Variants in CADPS observed in about 807,000 individuals in gnomAD.
CADPS encodes the protein calcium-dependent secretion activator 1.
Under a neutral mutation model 167.3 loss-of-function variants are expected in CADPS, and 57 were observed. The observed-to-expected ratio is 0.34, with a 90% CI of 0.28 to 0.42. The LOEUF is 0.42. Ranked by LOEUF, CADPS falls within the 20% of genes least tolerant of loss-of-function variation. CADPS has a pLI of 1.00. For synonymous variants in CADPS, 676 were observed against 635.3 expected, an observed-to-expected ratio of 1.06 and a Z score of -0.96; for missense variants, 1,414 against 1,738.1, an observed-to-expected ratio of 0.81 and a Z score of 3.32.
intron 7 of CADPS, among the ~76,000 whole-genome samples, chr3:62,590,444 T>C (rs1172850959): frequency 6.6e-6 from 1 of 152,200 alleles, no homozygotes; most frequent in African/African-American, 2.4e-5. Flanking sequence ...GAGTATCGTT[T>C]CTCAAAGAAA....
chr3:62,416,520 G>A (rs2050089647), intron 28 of CADPS, among the ~76,000 whole-genome samples: 1 of 152,150 alleles, frequency 6.6e-6, no homozygotes, highest in African/African-American at 2.4e-5. Context: ...TTGAAATTTT[G>A]AGTAAGGGCC....
chr3:62,552,925 G>C, intron 10 of CADPS, among the ~76,000 whole-genome samples: 1 of 152,082 alleles, frequency 6.6e-6, no homozygotes, highest in East Asian at 1.9e-4. Context: ...TTAGCAAGCT[G>C]GGAAAATCTG....
At chr3:62,487,264 A>G (rs79666876) in intron 21 of CADPS, among the ~76,000 whole-genome samples, 1,744 of 152,280 alleles carry the variant, frequency 0.011, 30 homozygotes, top group African/African-American at 0.039. Context: ...AAGACTTTGA[A>G]TGAGTTGTTT....
intron 28 of CADPS, among the ~76,000 whole-genome samples, chr3:62,413,666 C>T (rs546216712): frequency 8.5e-5 from 13 of 152,080 alleles, no homozygotes; most frequent in African/African-American, 2.4e-4. Flanking sequence ...GATGAAACGA[C>T]GTCTACAGAT....
chr3:62,582,282 C>T (rs890851326), intron 8 of CADPS, among the ~76,000 whole-genome samples: 1 of 152,130 alleles, frequency 6.6e-6, no homozygotes, highest in Admixed American at 6.5e-5. Context: ...CTCATCTCTA[C>T]CAAAAGCACA....
intron 1 of CADPS, among the ~76,000 whole-genome samples, chr3:62,803,909 G>A (rs958335529): frequency 6.6e-6 from 1 of 151,886 alleles, no homozygotes; most frequent in East Asian, 1.9e-4. Context: ...TTTTCCCTCC[G>A]TGGGGCCTTT....
chr3:62,400,395 C>G (rs1045185674), intron 29 of CADPS, among the ~76,000 whole-genome samples: 37 of 152,060 alleles, frequency 2.4e-4, no homozygotes, highest in African/African-American at 8.5e-4. Context: ...TGACCAGAAG[C>G]ATCTGGCTGT....
intron 3 of CADPS, among the ~76,000 whole-genome samples, chr3:62,691,890 G>A (rs764639759): frequency 5.9e-5 from 9 of 151,800 alleles, no homozygotes; most frequent in Non-Finnish European, 1.2e-4. Flanking sequence ...TTTACCTGTG[G>A]AACAAACCTG....
intron 17 of CADPS, among the ~76,000 whole-genome samples, chr3:62,501,485 T>C (rs1472423560): frequency 1.3e-5 from 2 of 152,200 alleles, no homozygotes; most frequent in African/African-American, 4.8e-5. Flanking sequence ...TTCCTCATCC[T>C]ATGCTTATTA....
intron 7 of CADPS, among the ~76,000 whole-genome samples, chr3:62,589,889 C>T (rs141968643): frequency 1.3e-5 from 2 of 152,240 alleles, no homozygotes; most frequent in Admixed American, 6.5e-5. Context: ...GGCACAAACA[C>T]ATCTGTAAAC....
chr3:62,761,378 T>C (rs976000245), intron 2 of CADPS, among the ~76,000 whole-genome samples: 1 of 151,288 alleles, frequency 6.6e-6, no homozygotes, highest in Non-Finnish European at 1.5e-5. Flanking sequence ...ACCAAAACAA[T>C]ACAAACAAAC....
At position 62,398,755 on chromosome 3, in the gene CADPS, G is replaced by A. The variant is rs376038494; in HGVS notation, c.*651C>T. The A allele has an allele frequency of 6.6e-6, 1 of 152,034 alleles. No homozygotes were observed. The highest frequency in any genetic ancestry group is 2.1e-4 in the South Asian group (1 of 4,806). The allele number at this position is 152,034 out of a possible 1,614,324, so 9.4% of individuals were successfully genotyped here. A position where few individuals can be genotyped will look rare whatever the true frequency, so the allele number is the denominator to read the frequency against. On this transcript the variant is annotated 3_prime_UTR_variant, in exon 30 of 30. Coordinates refer to ENST00000383710, the MANE Select transcript of CADPS (RefSeq NM_003716.4). ...CTTGATGTTAAGTCATGATAGGATC[G>A]CCCCCTTGCCGTGGCAATTAAGAGA...
At chr3:62,679,839 T>A (rs1270324937) in intron 3 of CADPS, among the ~76,000 whole-genome samples, 6 of 151,728 alleles carry the variant, frequency 4.0e-5, no homozygotes, top group African/African-American at 1.2e-4. Flanking sequence ...ATACAAGGAG[T>A]CATTAGATGG....
At chr3:62,855,655 G>T (rs1044967942) in intron 1 of CADPS, among the ~76,000 whole-genome samples, 9 of 152,090 alleles carry the variant, frequency 5.9e-5, no homozygotes, top group Non-Finnish European at 7.4e-5. Context: ...GTCACAAAAC[G>T]TAAGTTGTCA....
At chr3:62,853,623 T>TAAAAAAAAAAA (rs71126559) in intron 1 of CADPS, among the ~76,000 whole-genome samples, 1 of 118,284 alleles carries the variant, frequency 8.5e-6, no homozygotes, top group Non-Finnish European at 1.7e-5. Context: ...AAAACTCCAC[T>TAAAAAAAAAAA]AAAAAAAAAA....
intron 26 of CADPS, among the ~76,000 whole-genome samples, chr3:62,463,841 G>C (rs1018558317): frequency 6.6e-6 from 1 of 152,136 alleles, no homozygotes; most frequent in Non-Finnish European, 1.5e-5. Context: ...TAAGCTCCAG[G>C]GATAGGGGCC....
chr3:62,855,811 GT>G lies in CADPS; in HGVS notation c.441+18777del, dbSNP rs556595963. On this transcript the variant is annotated intron_variant, in intron 1 of 29. Transcript: ENST00000383710. The stretch of plus-strand genomic sequence containing the variant: ...TATCTGGCTATGATTTCCAGTTTTT[GT>G]TTCTTAAAAGAAGAGAAAAAAATTA... Among the ~76,000 whole-genome samples, 153 of 151,990 alleles carry G rather than the reference GT, an allele frequency of 1.0e-3. 1 individual carries two copies. Among genetic ancestry groups the G allele is most frequent in the African/African-American group, 3.6e-3 (150 of 41,494 alleles).
At chr3:62,473,812 T>A (rs762666381) in intron 24 of CADPS, 2 of 166,620 alleles carry the variant, frequency 1.2e-5, no homozygotes, top group African/African-American at 2.4e-5. Context: ...TGTCCAGATG[T>A]TCAAAGTGAT....
intron 28 of CADPS, among the ~76,000 whole-genome samples, chr3:62,411,491 T>G (rs1575646893): frequency 1.3e-5 from 2 of 152,206 alleles, no homozygotes; most frequent in African/African-American, 4.8e-5. Context: ...ATTGAAATAC[T>G]GTAATGAAAT....
Sources: gnomAD v4.1 joint callset for allele counts (sites outside exome capture counted in the v4.1 genomes callset) on GRCh38, gnomAD v4.1.1 for gene constraint, MANE v1.5 for transcripts, NCBI Gene and HGNC (gene_info 2026-07-23, HGNC 2026-07-21) for gene names.